SSX3: variants seen among roughly 807,000 people sequenced by gnomAD.
SSX3 encodes protein SSX3.
Under a neutral mutation model 14.8 loss-of-function variants are expected in SSX3, and 6 were observed. That is an observed-to-expected ratio of 0.41 (90% CI 0.22 to 0.80). SSX3 has a LOEUF of 0.80. Among genes scored for constraint, SSX3 ranks in the 30% least tolerant of loss-of-function variants. SSX3 has a pLI of 0.34. For synonymous variants in SSX3, 55 were observed against 52.9 expected (o/e 1.04, Z -0.18); for missense variants, 163 against 152.2 (o/e 1.07, Z -0.37).
chrX:48,347,085 G>C, intron 7 of SSX3, 50 bp from the exon 8 acceptor site: 2 of 1,188,780 alleles, frequency 1.7e-6, no homozygotes, highest in Non-Finnish European at 2.3e-6. Flanking sequence ...TTCCCACCAC[G>C]TGACAACTCA....
Position 48,354,136 on chromosome X carries a change from G to A in SSX3, c.185-42C>T, listed in dbSNP as rs367558284. The A allele has an allele frequency of 8.7e-4, 979 of 1,119,781 alleles. 13 individuals are homozygous for A. The South Asian group carries it at 0.017, about 19-fold the overall frequency. The allele number at this position is 1,119,781 out of a possible 1,213,427, so 92.3% of individuals were successfully genotyped here. A position where few individuals can be genotyped will look rare whatever the true frequency, so the allele number is the denominator to read the frequency against. On this transcript the variant is annotated intron_variant, in intron 3 of 7. Coordinates refer to ENST00000298396, the MANE Select transcript of SSX3 (RefSeq NM_021014.4). ...TGTTTATTCCTTAAGAGACAAGCTTGGGCCTGGTACGGTGGCTCATGTCTG... is the reference window on the plus strand; with the variant it reads ...TGTTTATTCCTTAAGAGACAAGCTTAGGCCTGGTACGGTGGCTCATGTCTG...
chrX:48,351,832 T>C (rs1328959623), intron 5 of SSX3, among the ~76,000 whole-genome samples: 1 of 112,426 alleles, frequency 8.9e-6, no homozygotes, highest in Non-Finnish European at 1.9e-5. Context: ...TATTCGGAGA[T>C]AATAGAAACA....
At chrX:48,347,937 T>A (rs2061245751) in intron 6 of SSX3, among the ~76,000 whole-genome samples, 1 of 112,910 alleles carries the variant, frequency 8.9e-6, no homozygotes, top group Non-Finnish European at 1.9e-5. Flanking sequence ...GCACTTCATG[T>A]TCATACTGCT....
intron 6 of SSX3, chrX:48,349,779 T>C: frequency 8.8e-7 from 1 of 1,130,583 alleles, no homozygotes; most frequent in South Asian, 2.2e-5. Flanking sequence ...TTGGAAGACT[T>C]TCCTCAAGTC....
At chrX:48,351,980 T>C (rs2061265064) in intron 5 of SSX3, 120 bp downstream of exon 5, 1 of 921,373 alleles carries the variant, frequency 1.1e-6, no homozygotes, top group East Asian at 3.2e-5. Flanking sequence ...TCAGGTGTTG[T>C]GATAGACATG....
rs1275254870 is a variant in SSX3, at chrX:48,352,222, C to G, written c.281-73G>C. 28 of 1,105,946 alleles carry G rather than the reference C, an allele frequency of 2.5e-5. No individual in the cohort carries two copies. In the African/African-American group the frequency reaches 3.3e-4, roughly 13 times the overall value. The allele number at this position is 1,105,946 out of a possible 1,213,427, so 91.1% of individuals were successfully genotyped here. On this transcript the variant is annotated intron_variant, in intron 4 of 7. Coordinates refer to ENST00000298396, the MANE Select transcript of SSX3 (RefSeq NM_021014.4). ...AACTCTAGAGAGACTTCTGTCGCATCAGGGTATTCTGCAGCAGAGGCTTAT... is the reference window on the plus strand; with the variant it reads ...AACTCTAGAGAGACTTCTGTCGCATGAGGGTATTCTGCAGCAGAGGCTTAT...
At chrX:48,355,786 T>A (rs1255438244) in intron 1 of SSX3, among the ~76,000 whole-genome samples, 59 of 111,872 alleles carry the variant, frequency 5.3e-4, no homozygotes, top group African/African-American at 1.8e-3. Context: ...TCAGAGGCTA[T>A]TACTGGGTGA....
chrX:48,347,118 A>T, intron 7 of SSX3, 83 bp from the exon 8 acceptor site: 1 of 1,127,377 alleles, frequency 8.9e-7, no homozygotes, highest in Admixed American at 2.2e-5. Flanking sequence ...CCTGACCTGC[A>T]GACCCTGCAC....
intron 4 of SSX3, among the ~76,000 whole-genome samples, 162 bp downstream of exon 4, chrX:48,353,837 A>G (rs1556950368): frequency 2.7e-5 from 3 of 111,179 alleles, no homozygotes; most frequent in African/African-American, 9.8e-5. Flanking sequence ...TTAAAATTTT[A>G]TATGAATGAC....
intron 5 of SSX3, 145 bp from the exon 6 acceptor site, chrX:48,350,267 C>T: frequency 1.1e-6 from 1 of 926,310 alleles, no homozygotes; most frequent in Non-Finnish European, 1.5e-6. Context: ...TTAGGAGAAA[C>T]CTGGGAGGGG....
At chrX:48,349,771 G>C (rs1485530522) in intron 6 of SSX3, 2 of 1,128,404 alleles carry the variant, frequency 1.8e-6, no homozygotes, top group African/African-American at 3.8e-5. Flanking sequence ...GAGGAAATTT[G>C]GAAGACTTTC....
chrX:48,346,786 T>C lies in SSX3; in HGVS notation c.*254A>G. ...ATGGATACACAAACCAAAATATGCATTAAGTATGTCTTGCTCATCAGTGAA... is the reference window on the plus strand; with the variant it reads ...ATGGATACACAAACCAAAATATGCACTAAGTATGTCTTGCTCATCAGTGAA... On this transcript the variant is annotated 3_prime_UTR_variant, in exon 8 of 8. Coordinates refer to ENST00000298396, the MANE Select transcript of SSX3 (RefSeq NM_021014.4). 2.0e-6 allele frequency: 1 copy of C among 508,562 alleles called. No homozygotes were observed. Among genetic ancestry groups the C allele is most frequent in the Non-Finnish European group, 3.3e-6 (1 of 306,609 alleles). The allele number at this position is 508,562 out of a possible 1,213,427, so 41.9% of individuals were successfully genotyped here.
chrX:48,356,178 G>C (rs2061286738), intron 1 of SSX3, among the ~76,000 whole-genome samples: 1 of 111,597 alleles, frequency 9.0e-6, no homozygotes, highest in Admixed American at 9.5e-5. Context: ...AAATTTAGCA[G>C]AAGCGGGGTG....
intron 6 of SSX3, chrX:48,349,778 T>A: frequency 8.8e-7 from 1 of 1,130,465 alleles, no homozygotes; most frequent in East Asian, 3.0e-5. Flanking sequence ...TTTGGAAGAC[T>A]TTCCTCAAGT....
At chrX:48,349,949 G>A (rs1452552416) in intron 6 of SSX3, 38 bp downstream of exon 6, 42 of 1,207,816 alleles carry the variant, frequency 3.5e-5, no homozygotes, top group Non-Finnish European at 4.6e-5. Flanking sequence ...CGTCGCCAGG[G>A]AAGCCAGTGG....
At chrX:48,349,412 T>A in intron 6 of SSX3, 1 of 827,631 alleles carries the variant, frequency 1.2e-6, no homozygotes, top group Non-Finnish European at 1.6e-6. Context: ...TTTTTAACAA[T>A]GAATTATTTT....
chrX:48,352,518 A>G lies in SSX3; in HGVS notation c.281-369T>C, dbSNP rs183063058. Among the ~76,000 whole-genome samples, 273 of 112,818 alleles carry G rather than the reference A, an allele frequency of 2.4e-3. 1 individual carries two copies. Among genetic ancestry groups the G allele is most frequent in the African/African-American group, 8.1e-3 (252 of 31,124 alleles). On this transcript the variant is annotated intron_variant, in intron 4 of 7. Coordinates refer to ENST00000298396, the MANE Select transcript of SSX3 (RefSeq NM_021014.4). ...TGTACACTTCAAATGGGTGAATCTTATGGTATGTGAATTAAGCTGTTAAAT... is the reference window on the plus strand; with the variant it reads ...TGTACACTTCAAATGGGTGAATCTTGTGGTATGTGAATTAAGCTGTTAAAT...
In SSX3 at chrX:48,352,002, G is replaced by A. The variant is rs1265853342; in HGVS notation, c.330+98C>T. On this transcript the variant is annotated intron_variant, in intron 5 of 7. Coordinates refer to ENST00000298396, the MANE Select transcript of SSX3 (RefSeq NM_021014.4). Reference sequence around the variant, plus strand: ...TTGTGATAGACATGGGGAGAAGAAGGCAGTGAGGGCATTGTTGATATTCTC... The same window carrying A: ...TTGTGATAGACATGGGGAGAAGAAGACAGTGAGGGCATTGTTGATATTCTC... The A allele has an allele frequency of 3.9e-6, 4 of 1,034,888 alleles. No individual in the cohort carries two copies. The East Asian group carries it at 1.2e-4, about 32-fold the overall frequency. The allele number at this position is 1,034,888 out of a possible 1,213,427, so 85.3% of individuals were successfully genotyped here.
At chrX:48,352,024 T>C (rs2061265253) in intron 5 of SSX3, 76 bp downstream of exon 5, 1 of 1,128,795 alleles carries the variant, frequency 8.9e-7, no homozygotes, top group African/African-American at 1.8e-5. Context: ...TTGTTGATAT[T>C]CTCCCACTCT....
Sources: gnomAD v4.1 joint callset for allele counts (sites outside exome capture counted in the v4.1 genomes callset) on GRCh38, gnomAD v4.1.1 for gene constraint, MANE v1.5 for transcripts, NCBI Gene and HGNC (gene_info 2026-07-23, HGNC 2026-07-21) for gene names.